Variants in ITGA9 observed in about 807,000 individuals in gnomAD.
The protein encoded by ITGA9 is integrin subunit alpha 9, also known as integrin alpha-9.
ITGA9 carries 56 observed loss-of-function variants against 127.8 expected under a neutral mutation model. The ratio of observed to expected loss-of-function variants is 0.44; its 90% CI spans 0.35 to 0.55. ITGA9 has a LOEUF of 0.55. ITGA9 is among the 20% of genes least tolerant of loss of function. The probability of loss-of-function intolerance (pLI) is 0.00; values close to 1 mark genes in which losing one functional copy is unlikely to be tolerated. For missense variants in ITGA9, 1,196 were observed against 1,347.1 expected (o/e 0.89, Z 1.76); for synonymous variants, 508 against 514.5 (o/e 0.99, Z 0.17).
At chr3:37,553,903 T>C (rs1699403370) in intron 15 of ITGA9, among the ~76,000 whole-genome samples, 1 of 152,202 alleles carries the variant, frequency 6.6e-6, no homozygotes, top group Non-Finnish European at 1.5e-5. Context: ...GACAGGGGCT[T>C]AAGCACATCA....
intron 15 of ITGA9, among the ~76,000 whole-genome samples, chr3:37,572,635 G>A (rs1699612646): frequency 6.6e-6 from 1 of 152,196 alleles, no homozygotes; most frequent in Admixed American, 6.5e-5. Context: ...CTTACTGTAA[G>A]ACTGAGACAT....
intron 16 of ITGA9, among the ~76,000 whole-genome samples, chr3:37,637,919 C>T (rs570015644): frequency 1.8e-4 from 28 of 152,210 alleles, no homozygotes; most frequent in Admixed American, 7.2e-4. Context: ...GTGATCTGTC[C>T]GCCTTGACCT....
At chr3:37,703,030 C>T (rs1407921202) in intron 18 of ITGA9, among the ~76,000 whole-genome samples, 3 of 152,138 alleles carry the variant, frequency 2.0e-5, no homozygotes, top group Non-Finnish European at 4.4e-5. Context: ...TGCCTCTACT[C>T]CCTTACTGGT....
chr3:37,601,845 G>C (rs542135893), intron 15 of ITGA9, among the ~76,000 whole-genome samples: 6 of 152,338 alleles, frequency 3.9e-5, no homozygotes, highest in African/African-American at 1.4e-4. Context: ...TTCGGCTCAT[G>C]GTTCTGCAGG....
chr3:37,466,725 T>G (rs1303271485), intron 1 of ITGA9, among the ~76,000 whole-genome samples: 2 of 152,142 alleles, frequency 1.3e-5, no homozygotes, highest in African/African-American at 4.8e-5. Context: ...GATTCTGCAT[T>G]TCCGACAAGT....
At chr3:37,641,052 G>C (rs1016378808) in intron 16 of ITGA9, among the ~76,000 whole-genome samples, 2 of 152,174 alleles carry the variant, frequency 1.3e-5, no homozygotes, top group African/African-American at 4.8e-5. Context: ...TTTCCTCTGA[G>C]GGGGGTCCCG....
chr3:37,672,294 A>G (rs1008182045), intron 17 of ITGA9, among the ~76,000 whole-genome samples: 1 of 152,164 alleles, frequency 6.6e-6, no homozygotes, highest in Non-Finnish European at 1.5e-5. Context: ...GAGGTAAATA[A>G]ATCATGGGGG....
chr3:37,628,553 C>T (rs1700199190), intron 15 of ITGA9, among the ~76,000 whole-genome samples: 1 of 152,146 alleles, frequency 6.6e-6, no homozygotes, highest in Non-Finnish European at 1.5e-5. Context: ...CCTTGCAGCA[C>T]CTAGCACAGT....
At position 37,452,603 on chromosome 3, in the gene ITGA9, C is replaced by G. The variant is rs762793320; in HGVS notation, c.185+44C>G. 1.4e-6 allele frequency: 2 copies of G among 1,462,156 alleles called. No individual in the cohort carries two copies. The highest frequency in any genetic ancestry group is 3.0e-5 in the East Asian group (1 of 33,296). The allele number at this position is 1,462,156 out of a possible 1,614,324, so 90.6% of individuals were successfully genotyped here. On this transcript the variant is annotated intron_variant, in intron 1 of 27. Coordinates refer to ENST00000264741, the MANE Select transcript of ITGA9 (RefSeq NM_002207.3). The surrounding 1 kb of genome is among the most constrained non-coding windows in gnomAD (Gnocchi z 7.3). ...CCGCGACCCTGGCCCGCGCGGCCAC[C>G]GCCCCGGCCCCCAGGCCAGCGCCGC...
intron 17 of ITGA9, among the ~76,000 whole-genome samples, chr3:37,655,064 T>C (rs185388595): frequency 1.1e-4 from 17 of 152,338 alleles, no homozygotes; most frequent in Non-Finnish European, 2.1e-4. Context: ...GGTGTATCTG[T>C]GCCACATTTT....
At chr3:37,793,036 G>T (rs1253647963) in intron 26 of ITGA9, among the ~76,000 whole-genome samples, 1 of 151,992 alleles carries the variant, frequency 6.6e-6, no homozygotes, top group Non-Finnish European at 1.5e-5. Flanking sequence ...TGAAAAATGA[G>T]CCTCCTTCTC....
In ITGA9 at chr3:37,751,006, C is replaced by T. The variant is rs191225881; in HGVS notation, c.2541+437C>T. On this transcript the variant is annotated intron_variant, in intron 23 of 27. Coordinates refer to ENST00000264741, the MANE Select transcript of ITGA9 (RefSeq NM_002207.3). ...AAAGGGACAGTTTTTCCATAGATAG[C>T]TTGAAAATCAGGGCAGCAAGGCCCA... 2.2e-3 allele frequency among the ~76,000 whole-genome samples: 336 copies of T among 152,332 alleles called. 4 individuals are homozygous for T. Among genetic ancestry groups the T allele is most frequent in the African/African-American group, 7.8e-3 (326 of 41,574 alleles).
chr3:37,821,802 C>G lies in ITGA9; in HGVS notation c.*2813C>G, dbSNP rs1213094552. ...GGAGGTCACTAAGACTTTATAAAGGCAGGTTTTAAGAAAACCAGCCTTGGC... is the reference window on the plus strand; with the variant it reads ...GGAGGTCACTAAGACTTTATAAAGGGAGGTTTTAAGAAAACCAGCCTTGGC... On this transcript the variant is annotated 3_prime_UTR_variant, in exon 28 of 28. Coordinates refer to ENST00000264741, the MANE Select transcript of ITGA9 (RefSeq NM_002207.3). The G allele has an allele frequency of 6.6e-6, 1 of 151,948 alleles. No homozygotes were observed. Among genetic ancestry groups the G allele is most frequent in the Admixed American group, 6.6e-5 (1 of 15,258 alleles). 9.4% of individuals were successfully genotyped at this position (151,948 alleles called of 1,614,324 possible).
chr3:37,792,603 T>G (rs1697125059), intron 26 of ITGA9, among the ~76,000 whole-genome samples: 1 of 152,166 alleles, frequency 6.6e-6, no homozygotes, highest in Non-Finnish European at 1.5e-5. Context: ...AGAACCATGG[T>G]AGACCTAGGC....
At chr3:37,603,241 T>C (rs1699938231) in intron 15 of ITGA9, among the ~76,000 whole-genome samples, 1 of 148,086 alleles carries the variant, frequency 6.8e-6, no homozygotes, top group South Asian at 2.1e-4. Context: ...GGGGTGAAAA[T>C]ATTCCAAAAA....
At chr3:37,800,698 C>T (rs1697226471) in intron 26 of ITGA9, among the ~76,000 whole-genome samples, 1 of 152,170 alleles carries the variant, frequency 6.6e-6, no homozygotes, top group Non-Finnish European at 1.5e-5. Context: ...CTGAGAATTG[C>T]CTATTATCTG....
intron 15 of ITGA9, among the ~76,000 whole-genome samples, chr3:37,548,872 C>T (rs551003275): frequency 1.3e-5 from 2 of 152,310 alleles, no homozygotes; most frequent in East Asian, 3.9e-4. Flanking sequence ...CTCTCCTGGT[C>T]TGTAGGTAGC....
rs1268469113 is a variant in ITGA9, at chr3:37,473,346, T to G, written c.314-8T>G. The G allele has an allele frequency of 3.7e-5, 60 of 1,612,898 alleles. No homozygotes were observed. Among genetic ancestry groups the G allele is most frequent in the Non-Finnish European group, 5.1e-5 (60 of 1,179,012 alleles). On this transcript the variant is annotated splice_polypyrimidine_tract_variant and splice_region_variant and intron_variant, in intron 2 of 27. Transcript: ENST00000264741. ...AACCCAAGTCTGGCTCTTCTCCTCT[T>G]TCTCCAGGGAAGAATCGGGGCACGT...
At chr3:37,745,629 A>G (rs1696491133) in intron 22 of ITGA9, 3 of 152,234 alleles carry the variant, frequency 2.0e-5, no homozygotes, top group Admixed American at 2.0e-4. Context: ...CATGTAATGA[A>G]GAGGGTATGA....
Sources: gnomAD v4.1 joint callset for allele counts (sites outside exome capture counted in the v4.1 genomes callset) on GRCh38, gnomAD v4.1.1 for gene constraint, Gnocchi (gnomAD v3.1) non-coding constraint, MANE v1.5 for transcripts, NCBI Gene and HGNC (gene_info 2026-07-23, HGNC 2026-07-21) for gene names.